POLA1: variants seen among roughly 807,000 people sequenced by gnomAD.
POLA1 encodes the protein DNA polymerase alpha catalytic subunit.
In POLA1, 15 loss-of-function variants were observed where a neutral mutation model predicts 124.0. The observed-to-expected ratio is 0.12, with a 90% CI of 0.08 to 0.19. The LOEUF is 0.19. Ranked by LOEUF, POLA1 falls within the 10% of genes least tolerant of loss-of-function variation. POLA1 has a pLI of 1.00. For synonymous variants in POLA1, 408 were observed against 389.4 expected, an observed-to-expected ratio of 1.05 and a Z score of -0.56; for missense variants, 886 against 1,103.4, an observed-to-expected ratio of 0.80 and a Z score of 2.79.
chrX:24,955,158 T>G (rs963523640), intron 36 of POLA1, among the ~76,000 whole-genome samples: 1 of 109,448 alleles, frequency 9.1e-6, no homozygotes, highest in Non-Finnish European at 1.9e-5. Context: ...GTTTTTGGTT[T>G]TTTTTTTTTT....
intron 26 of POLA1, among the ~76,000 whole-genome samples, chrX:24,763,381 A>T (rs894918135): frequency 9.0e-6 from 1 of 111,658 alleles, no homozygotes; most frequent in African/African-American, 3.3e-5. Flanking sequence ...GATGAAGAGC[A>T]CTGGAAGATG....
At chrX:24,797,332 C>T (rs1166212085) in intron 26 of POLA1, among the ~76,000 whole-genome samples, 1 of 110,864 alleles carries the variant, frequency 9.0e-6, no homozygotes, top group African/African-American at 3.3e-5. Context: ...TTTTACTCAC[C>T]ATTCAGCATT....
At chrX:24,816,822 C>A (rs1027950795) in intron 30 of POLA1, among the ~76,000 whole-genome samples, 1 of 111,052 alleles carries the variant, frequency 9.0e-6, no homozygotes, top group African/African-American at 3.3e-5. Flanking sequence ...ACACTGTAAC[C>A]CCCTCATATG....
intron 34 of POLA1, among the ~76,000 whole-genome samples, chrX:24,869,115 A>T (rs192470294): frequency 1.8e-5 from 2 of 111,826 alleles, no homozygotes; most frequent in Admixed American, 1.9e-4. Context: ...TAAATTTTTT[A>T]TAGAGACAGG....
At chrX:24,899,299 T>C (rs950702048) in intron 35 of POLA1, among the ~76,000 whole-genome samples, 1 of 112,048 alleles carries the variant, frequency 8.9e-6, no homozygotes, top group South Asian at 3.7e-4. Flanking sequence ...AGCACTTACT[T>C]TTCGAAAGTA....
At chrX:24,946,870 T>C (rs1158857369) in intron 36 of POLA1, among the ~76,000 whole-genome samples, 1 of 112,104 alleles carries the variant, frequency 8.9e-6, no homozygotes, top group African/African-American at 3.2e-5. Context: ...TTATTTCCTA[T>C]TATGTCCTTC....
At chrX:24,845,543 G>C (rs1410117381) in intron 34 of POLA1, among the ~76,000 whole-genome samples, 2 of 111,729 alleles carry the variant, frequency 1.8e-5, no homozygotes, top group East Asian at 5.6e-4. Context: ...TGTACCTTTA[G>C]GTTCTACTTT....
At chrX:24,702,204 G>A (rs1037269967) in intron 2 of POLA1, among the ~76,000 whole-genome samples, 3 of 109,791 alleles carry the variant, frequency 2.7e-5, no homozygotes, top group Admixed American at 9.7e-5. Flanking sequence ...GAGTAGCTGG[G>A]ACTGCAGGCA....
At chrX:24,843,292 A>G (rs1051396714) in intron 33 of POLA1, among the ~76,000 whole-genome samples, 2 of 111,986 alleles carry the variant, frequency 1.8e-5, no homozygotes, top group Non-Finnish European at 3.8e-5. Context: ...AGTCCCTCGT[A>G]TAGTGAATGT....
At position 24,741,472 on chromosome X, in the gene POLA1, T is replaced by C. The variant is rs747723571; in HGVS notation, c.2314T>C (p.Leu772=). The change falls in exon 21 of 37, where the codon TTG becomes CTG. Residue 772 remains leucine, a synonymous_variant. Transcript: ENST00000379068. ...TGAGCTAAATGTTCTTCCATTAGCA[T>C]TGCAGATCACTAACATCGCTGGGAA... ...MCELNVLPLA[L]QITNIAGNIM... 8.3e-7 allele frequency: 1 copy of C among 1,204,042 alleles called. No individual in the cohort carries two copies. The highest frequency in any genetic ancestry group is 2.2e-5 in the Admixed American group (1 of 45,987).
intron 35 of POLA1, among the ~76,000 whole-genome samples, chrX:24,896,930 A>G (rs2047213452): frequency 8.9e-6 from 1 of 112,347 alleles, no homozygotes; most frequent in African/African-American, 3.2e-5. Flanking sequence ...GGTGCTTAAC[A>G]TGCCCTTGAT....
At chrX:24,889,760 A>G (rs1391825853) in intron 35 of POLA1, among the ~76,000 whole-genome samples, 3 of 111,055 alleles carry the variant, frequency 2.7e-5, no homozygotes, top group Admixed American at 1.9e-4. Flanking sequence ...CACAGGCGCA[A>G]TCATGGCTCA....
chrX:24,995,914 G>A lies in POLA1; in HGVS notation c.4371G>A (p.Leu1457=), dbSNP rs780185103. 8.3e-7 allele frequency: 1 copy of A among 1,210,761 alleles called. No individual in the cohort carries two copies. Among genetic ancestry groups the A allele is most frequent in the Admixed American group, 2.2e-5 (1 of 45,980 alleles). ...LSRSGYSEVN[L]SKLFAGCAVK... Reference sequence around the variant, plus strand: ...GAAGTGGCTACTCCGAAGTGAATCTGAGCAAACTCTTCGCTGGTTGTGCCG... The same window carrying A: ...GAAGTGGCTACTCCGAAGTGAATCTAAGCAAACTCTTCGCTGGTTGTGCCG... The change falls in exon 37 of 37, where the codon CTG becomes CTA. Residue 1457 remains leucine, a synonymous_variant. Coordinates refer to ENST00000379068, the MANE Select transcript of POLA1 (RefSeq NM_001330360.2).
chrX:24,926,542 A>C (rs2047694427), intron 35 of POLA1, among the ~76,000 whole-genome samples: 2 of 112,178 alleles, frequency 1.8e-5, no homozygotes, highest in Admixed American at 1.9e-4. Context: ...AATATATCCT[A>C]TCCTAATCTT....
At chrX:24,853,885 CATG>C (rs2046602310) in intron 34 of POLA1, among the ~76,000 whole-genome samples, 1 of 112,131 alleles carries the variant, frequency 8.9e-6, no homozygotes, top group South Asian at 3.7e-4. Flanking sequence ...TACTTCAACA[CATG>C]ATAATAAAAG....
intron 14 of POLA1, 46 bp downstream of exon 14, chrX:24,727,117 A>G: frequency 9.3e-7 from 1 of 1,080,014 alleles, no homozygotes; most frequent in Non-Finnish European, 1.3e-6. Flanking sequence ...TTGCTGATAG[A>G]TGTGGTTTTT....
chrX:24,803,230 T>C (rs962574747), intron 26 of POLA1, among the ~76,000 whole-genome samples: 1 of 111,017 alleles, frequency 9.0e-6, no homozygotes, highest in African/African-American at 3.3e-5. Flanking sequence ...AGTTTTGCTC[T>C]TCCTAGGAAG....
chrX:24,708,950 C>T, intron 4 of POLA1, among the ~76,000 whole-genome samples: 1 of 67,741 alleles, frequency 1.5e-5, no homozygotes, highest in African/African-American at 4.9e-5. Flanking sequence ...CCTCACTTCC[C>T]AGTAGGGGCG....
At chrX:24,993,556 T>C (rs1186341987) in intron 36 of POLA1, among the ~76,000 whole-genome samples, 1 of 111,532 alleles carries the variant, frequency 9.0e-6, no homozygotes, top group Non-Finnish European at 1.9e-5. Context: ...AGTTCTAAAG[T>C]GGTGGATATA....
Sources: allele counts gnomAD v4.1 joint callset (sites outside exome capture counted in the v4.1 genomes callset), GRCh38; gene constraint gnomAD v4.1.1; transcripts MANE v1.5; gene names NCBI Gene and HGNC (gene_info 2026-07-23, HGNC 2026-07-21).